The following EPX variants were observed in gnomAD, a reference collection of about 807,000 sequenced individuals.
EPX encodes the protein eosinophil peroxidase.
Under a neutral mutation model 73.0 loss-of-function variants are expected in EPX, and 60 were observed. The ratio of observed to expected loss-of-function variants is 0.82; its 90% CI spans 0.67 to 1.02. The LOEUF (loss-of-function observed/expected upper bound fraction) is 1.02, where lower values mean the gene tolerates loss of function less well. Ranked by LOEUF, EPX falls within the 50% of genes least tolerant of loss-of-function variation. The pLI is 0.00. For missense variants in EPX, 950 were observed against 973.9 expected (o/e 0.98, Z 0.33); for synonymous variants, 347 against 389.2 (o/e 0.89, Z 1.28).
At position 58,204,252 on chromosome 17, in the gene EPX, CAA is replaced by C; in HGVS notation, c.1980_1981del (p.Arg661ThrfsTer16). 2 of 1,614,110 alleles carry C rather than the reference CAA, an allele frequency of 1.2e-6. No homozygotes were observed. The highest frequency in any genetic ancestry group is 1.7e-6 in the Non-Finnish European group (2 of 1,179,994). On this transcript the variant is annotated frameshift_variant, in exon 12 of 13. Transcript: ENST00000225371. LOFTEE classifies it high-confidence loss of function. ...FWWQKRGVFT[K>X]RQRKALSRIS... ...GGTGGCAGAAACGAGGTGTTTTCACCAAAAGACAGCGCAAGGCCCTGAGCAGA... is the reference window on the plus strand; with the variant it reads ...GGTGGCAGAAACGAGGTGTTTTCACCAAGACAGCGCAAGGCCCTGAGCAGA...
chr17:58,204,643 A>G (rs1968404716), intron 12 of EPX, 93 bp from the exon 13 acceptor site: 7 of 584,870 alleles, frequency 1.2e-5, no homozygotes, highest in East Asian at 2.8e-5. Context: ...GGAGCATCCA[A>G]CTATCCTCAG....
At chr17:58,203,739 C>T (rs971939208) in intron 11 of EPX, among the ~76,000 whole-genome samples, 34 of 151,214 alleles carry the variant, frequency 2.2e-4, no homozygotes, top group African/African-American at 7.1e-4. Context: ...GAGACCATCC[C>T]GGCTAAAACG....
At chr17:58,194,354 A>G (rs1164109219) in intron 5 of EPX, among the ~76,000 whole-genome samples, 1 of 152,190 alleles carries the variant, frequency 6.6e-6, no homozygotes, top group East Asian at 1.9e-4. Context: ...CATGCTAACC[A>G]TTACGGTGTT....
chr17:58,204,953 G>T lies in EPX; in HGVS notation c.*229G>T, dbSNP rs567457123. ...GTATTAGGCTATGAATCAGCGCCAC[G>T]TGCAAAGGCTTGGGAGCCAAGCCAT... On this transcript the variant is annotated 3_prime_UTR_variant, in exon 13 of 13. Transcript: ENST00000225371. The T allele has an allele frequency of 8.4e-5, 14 of 166,872 alleles. No homozygotes were observed. Among genetic ancestry groups the T allele is most frequent in the African/African-American group, 3.4e-4 (14 of 41,696 alleles). The allele number at this position is 166,872 out of a possible 1,614,324, so 10.3% of individuals were successfully genotyped here. A position where few individuals can be genotyped will look rare whatever the true frequency, so the allele number is the denominator to read the frequency against.
At chr17:58,193,897 T>C in intron 4 of EPX, 66 bp downstream of exon 4, 1 of 1,608,134 alleles carries the variant, frequency 6.2e-7, no homozygotes, top group Non-Finnish European at 8.5e-7. Flanking sequence ...GCACCCACCC[T>C]CTCCCTCCAT....
intron 7 of EPX, among the ~76,000 whole-genome samples, chr17:58,197,912 T>G (rs1475900634): frequency 6.6e-6 from 1 of 152,194 alleles, no homozygotes; most frequent in Admixed American, 6.5e-5. Context: ...CTCAGCTCAC[T>G]GCCACCTCTG....
At chr17:58,204,117 A>T in intron 11 of EPX, 105 bp from the exon 12 acceptor site, 1 of 826,526 alleles carries the variant, frequency 1.2e-6, no homozygotes, top group Non-Finnish European at 2.1e-6. Context: ...GAATTTTGTG[A>T]GAATTGAATG....
chr17:58,193,795 A>G lies in EPX; in HGVS notation c.428A>G (p.Asp143Gly). The change falls in exon 4 of 13, where the codon GAC becomes GGC. Residue 143 changes from aspartate to glycine, a missense_variant. Transcript: ENST00000225371. ...ALRDQAERCS[D>G]KYRTITGRCN... ...CGGGACCAGGCCGAGCGCTGCAGCG[A>G]CAAGTACCGCACCATCACTGGACGG... 1 of 1,613,466 alleles carries G rather than the reference A, an allele frequency of 6.2e-7. No individual in the cohort carries two copies. Among genetic ancestry groups the G allele is most frequent in the Non-Finnish European group, 8.5e-7 (1 of 1,179,876 alleles).
At chr17:58,198,970 TG>T in intron 7 of EPX, 69 bp from the exon 8 acceptor site, 2 of 1,550,028 alleles carry the variant, frequency 1.3e-6, no homozygotes, top group Non-Finnish European at 8.8e-7. Context: ...TCCCCAGCCC[TG>T]GGTCTACCCT....
At position 58,200,278 on chromosome 17, in the gene EPX, C is replaced by T. The variant is rs549396092; in HGVS notation, c.1591C>T (p.Arg531Cys). Residue 531 changes from arginine (R) to cysteine (C), a missense_variant, in exon 10 of 13, where the codon CGT (arginine) becomes TGT (cysteine). Arg to Cys is a radical substitution (Grantham distance 180, BLOSUM62 -3). Transcript: ENST00000225371. ...CATGGCCACCCCTGCCAAGCTGAACCGTCAGGATGCCATGTTAGTGGATGA... is the reference window on the plus strand; with the variant it reads ...CATGGCCACCCCTGCCAAGCTGAACTGTCAGGATGCCATGTTAGTGGATGA... ...GLMATPAKLN[R>C]QDAMLVDELR... 81 of 1,614,068 alleles carry T rather than the reference C, an allele frequency of 5.0e-5. No homozygotes were observed. Among genetic ancestry groups the T allele is most frequent in the African/African-American group, 6.7e-5 (5 of 74,938 alleles).
At chr17:58,201,019 C>T (rs1469805806) in intron 10 of EPX, among the ~76,000 whole-genome samples, 1 of 152,220 alleles carries the variant, frequency 6.6e-6, no homozygotes, top group Non-Finnish European at 1.5e-5. Context: ...TCAGAGACAG[C>T]TAGTAATTTG....
rs1215963005 is a variant in EPX, at chr17:58,199,910, T to TCC, written c.1537+119_1537+120dup. 6 of 1,120,592 alleles carry TCC rather than the reference T, an allele frequency of 5.4e-6. No individual in the cohort carries two copies. In the African/African-American group the frequency reaches 9.3e-5, roughly 17 times the overall value. The allele number at this position is 1,120,592 out of a possible 1,614,324, so 69.4% of individuals were successfully genotyped here. ...TGCTGCAGAGGCCACTGCTAATATC[T>TCC]CCCCAGGACAGTGGAAACAAGGCAG... On this transcript the variant is annotated intron_variant, in intron 9 of 12. Coordinates refer to ENST00000225371, the MANE Select transcript of EPX (RefSeq NM_000502.6).
intron 5 of EPX, 22 bp from the exon 6 acceptor site, chr17:58,194,942 G>C: frequency 1.9e-6 from 3 of 1,599,550 alleles, no homozygotes; most frequent in Non-Finnish European, 2.6e-6. Context: ...CATGTCCCGT[G>C]CTGATGTTAT....
rs757899828 is a variant in EPX at position 58,197,272 on chromosome 17, A to G, written c.1120+15A>G. ...CTTCCTGGCAGGTCAGACAGGGAGG[A>G]AGGTGGTGTCTTCCCAGGAAACAGC... On this transcript the variant is annotated intron_variant, in intron 7 of 12. Transcript: ENST00000225371. The G allele has an allele frequency of 1.9e-6, 3 of 1,609,184 alleles. No individual in the cohort carries two copies. The highest frequency in any genetic ancestry group is 2.7e-5 in the African/African-American group (2 of 74,912).
intron 10 of EPX, among the ~76,000 whole-genome samples, chr17:58,201,750 C>CT (rs542559828): frequency 1.0e-3 from 158 of 152,300 alleles, no homozygotes; most frequent in African/African-American, 3.6e-3. Context: ...GCCCGACCTC[C>CT]TGTGGAACGT....
In EPX at chr17:58,193,521, G is replaced by C; in HGVS notation, c.321G>C (p.Gln107His). The C allele has an allele frequency of 6.2e-7, 1 of 1,614,190 alleles. No homozygotes were observed. Among genetic ancestry groups the C allele is most frequent in the Non-Finnish European group, 8.5e-7 (1 of 1,180,026 alleles). Residue 107 changes from glutamine to histidine, a missense_variant, in exon 3 of 13, where the codon CAG becomes CAC. Coordinates refer to ENST00000225371, the MANE Select transcript of EPX (RefSeq NM_000502.6). The part of the protein sequence containing the change: ...LGLLEEKLQP[Q>H]RSGPFNVTDV... ...TGCTTGAAGAGAAGTTACAACCCCA[G>C]CGGTCCGGACCCTTCAATGTCACTG... is the stretch of plus-strand genomic sequence containing the variant.
chr17:58,194,076 G>A lies in EPX; in HGVS notation c.578G>A (p.Gly193Asp). ...FGWTPSRRRNGFLLPLVRAVS... is the reference protein window; with the variant it reads ...FGWTPSRRRNDFLLPLVRAVS... ...TGGACCCCCAGCAGGAGGCGCAATG[G>A]CTTCCTTCTCCCTCTTGTGAGTTGG... is the stretch of plus-strand genomic sequence containing the variant. The change falls in exon 5 of 13, where the codon GGC (glycine) becomes GAC (aspartate). Residue 193 changes from glycine to aspartate, a missense_variant. Physicochemically the swap from Gly to Asp is moderately conservative, Grantham distance 94. Coordinates refer to ENST00000225371, the MANE Select transcript of EPX (RefSeq NM_000502.6). The A allele has an allele frequency of 6.2e-7, 1 of 1,613,464 alleles. No individual in the cohort carries two copies. Among genetic ancestry groups the A allele is most frequent in the South Asian group, 1.1e-5 (1 of 91,086 alleles).
intron 7 of EPX, among the ~76,000 whole-genome samples, chr17:58,198,796 C>T (rs1232884799): frequency 6.6e-6 from 1 of 152,204 alleles, no homozygotes; most frequent in Non-Finnish European, 1.5e-5. Flanking sequence ...AGACCAGCAG[C>T]TGCCCTGTGC....
intron 5 of EPX, 63 bp downstream of exon 5, chr17:58,194,155 G>T: frequency 3.2e-6 from 5 of 1,561,724 alleles, no homozygotes; most frequent in Non-Finnish European, 4.4e-6. Flanking sequence ...GTAAAACACA[G>T]CCCAGAGTCA....
Sources: allele counts gnomAD v4.1 joint callset (sites outside exome capture counted in the v4.1 genomes callset), GRCh38; gene constraint gnomAD v4.1.1; transcripts MANE v1.5; gene names NCBI Gene and HGNC (gene_info 2026-07-23, HGNC 2026-07-21).